The following BMPR1B variants were observed in gnomAD, a reference collection of about 807,000 sequenced individuals.
The protein encoded by BMPR1B is bone morphogenetic protein receptor type 1B.
BMPR1B carries 12 observed loss-of-function variants against 59.1 expected under a neutral mutation model. That is an observed-to-expected ratio of 0.20 (90% confidence interval 0.13 to 0.33). The LOEUF is 0.33. BMPR1B is among the 10% of genes least tolerant of loss of function. BMPR1B has a pLI of 1.00. For missense variants in BMPR1B, 550 were observed against 610.9 expected (o/e 0.90, Z 1.05); for synonymous variants, 237 against 207.3 (o/e 1.14, Z -1.23).
At chr4:95,138,003 G>A (rs969948836) in intron 10 of BMPR1B, among the ~76,000 whole-genome samples, 5 of 152,146 alleles carry the variant, frequency 3.3e-5, no homozygotes, top group African/African-American at 9.7e-5. Context: ...TCCTAGCATC[G>A]ATGGTCTTTA....
chr4:94,948,489 T>G (rs1729801899), intron 2 of BMPR1B, among the ~76,000 whole-genome samples: 1 of 152,046 alleles, frequency 6.6e-6, no homozygotes, highest in Middle Eastern at 3.2e-3. Context: ...AACAAATGAG[T>G]AAGTAATGCT....
At position 95,157,180 on chromosome 4, in the gene BMPR1B, G is replaced by A. The variant is rs1041066684; in HGVS notation, c.*2507G>A. On this transcript the variant is annotated 3_prime_UTR_variant, in exon 13 of 13. Coordinates refer to ENST00000515059, the MANE Select transcript of BMPR1B (RefSeq NM_001203.3). ...TATTTGGTTGCTTTGGAAAAGATTG[G>A]TCCTATCCTCAATCTAATTTATTCA... 2.6e-5 allele frequency: 4 copies of A among 151,982 alleles called. No homozygotes were observed. Among genetic ancestry groups the A allele is most frequent in the African/African-American group, 9.7e-5 (4 of 41,384 alleles). The allele number at this position is 151,982 out of a possible 1,614,324, so 9.4% of individuals were successfully genotyped here.
intron 3 of BMPR1B, among the ~76,000 whole-genome samples, chr4:95,072,789 T>G (rs1282831105): frequency 6.6e-6 from 1 of 152,142 alleles, no homozygotes; most frequent in African/African-American, 2.4e-5. Context: ...ATAAACACAG[T>G]GAAGAAGCAA....
At chr4:94,922,137 T>G (rs1303511990) in intron 2 of BMPR1B, among the ~76,000 whole-genome samples, 1 of 151,862 alleles carries the variant, frequency 6.6e-6, no homozygotes, top group Non-Finnish European at 1.5e-5. Flanking sequence ...CATACCCTCT[T>G]AATTTCTTTT....
chr4:94,913,520 G>A (rs938733905), intron 2 of BMPR1B, among the ~76,000 whole-genome samples: 1 of 152,128 alleles, frequency 6.6e-6, no homozygotes, highest in African/African-American at 2.4e-5. Context: ...TCTAAACTTT[G>A]CTTTGCTTTC....
chr4:94,833,166 G>T (rs1297174747), intron 1 of BMPR1B, among the ~76,000 whole-genome samples: 1 of 145,838 alleles, frequency 6.9e-6, no homozygotes, highest in Admixed American at 6.9e-5. Flanking sequence ...ACTCCATCCT[G>T]GATGAGAGAG....
In BMPR1B at chr4:95,152,642, G is replaced by T; in HGVS notation, c.1253-1G>T. On this transcript the variant is annotated splice_acceptor_variant, in intron 11 of 12. Coordinates refer to ENST00000515059, the MANE Select transcript of BMPR1B (RefSeq NM_001203.3). LOFTEE classifies it high-confidence loss of function. ...TAATAATAGTAACAACATATTTTTA[G>T]GTATAGTGGAAGAATACCAGCTTCC... 2 of 1,538,750 alleles carry T rather than the reference G, an allele frequency of 1.3e-6. No individual in the cohort carries two copies. Among genetic ancestry groups the T allele is most frequent in the East Asian group, 2.4e-5 (1 of 40,852 alleles).
At chr4:94,802,302 G>A (rs1472280309) in intron 1 of BMPR1B, among the ~76,000 whole-genome samples, 2 of 152,170 alleles carry the variant, frequency 1.3e-5, no homozygotes, top group Non-Finnish European at 2.9e-5. Context: ...CAGGGCTTCC[G>A]AGAGGCCTGG....
At chr4:94,944,588 A>G (rs954694902) in intron 2 of BMPR1B, among the ~76,000 whole-genome samples, 2 of 152,170 alleles carry the variant, frequency 1.3e-5, no homozygotes, top group African/African-American at 4.8e-5. Context: ...CAAGGGAATT[A>G]TATGTAATTT....
At chr4:95,096,157 T>G (rs988514167) in intron 3 of BMPR1B, among the ~76,000 whole-genome samples, 3 of 151,364 alleles carry the variant, frequency 2.0e-5, no homozygotes, top group Non-Finnish European at 4.4e-5. Context: ...AAGAAGTTAT[T>G]TTACAGTGTT....
intron 3 of BMPR1B, among the ~76,000 whole-genome samples, chr4:95,039,291 C>G (rs948775661): frequency 3.3e-5 from 5 of 152,048 alleles, no homozygotes; most frequent in African/African-American, 4.8e-5. Flanking sequence ...CTGTAATGCT[C>G]TAGACAAGGC....
intron 2 of BMPR1B, among the ~76,000 whole-genome samples, chr4:94,918,057 C>T (rs562694328): frequency 6.6e-6 from 1 of 152,190 alleles, no homozygotes; most frequent in African/African-American, 2.4e-5. Flanking sequence ...TCCCTGAGGC[C>T]TCCCTAGAAG....
chr4:94,929,616 C>A (rs2149032560), intron 2 of BMPR1B, among the ~76,000 whole-genome samples: 1 of 152,100 alleles, frequency 6.6e-6, no homozygotes, highest in African/African-American at 2.4e-5. Flanking sequence ...CCTCTGTGTC[C>A]CTTCTTGGTG....
At chr4:94,940,188 T>C (rs1434835575) in intron 2 of BMPR1B, among the ~76,000 whole-genome samples, 2 of 152,222 alleles carry the variant, frequency 1.3e-5, no homozygotes, top group African/African-American at 4.8e-5. Context: ...TGAGGCATTT[T>C]CAATATGGCT....
intron 2 of BMPR1B, among the ~76,000 whole-genome samples, chr4:94,905,379 C>T (rs544358448): frequency 3.3e-5 from 5 of 152,038 alleles, no homozygotes; most frequent in Admixed American, 6.6e-5. Flanking sequence ...CTAATGCAAA[C>T]AGTAATGGCT....
At chr4:94,940,964 T>C (rs1003095515) in intron 2 of BMPR1B, among the ~76,000 whole-genome samples, 1 of 152,186 alleles carries the variant, frequency 6.6e-6, no homozygotes, top group African/African-American at 2.4e-5. Flanking sequence ...GACATTCTTC[T>C]TGGTGGGACG....
At chr4:95,036,423 C>T (rs1013893591) in intron 3 of BMPR1B, among the ~76,000 whole-genome samples, 2 of 152,168 alleles carry the variant, frequency 1.3e-5, no homozygotes, top group East Asian at 3.9e-4. Context: ...CGAAGTTCAT[C>T]GTTTTAGTTT....
rs936793430 is a variant in BMPR1B at position 95,104,460 on chromosome 4, C to T, written c.36C>T (p.Gly12=). 3.1e-6 allele frequency: 5 copies of T among 1,613,248 alleles called. No homozygotes were observed. Among genetic ancestry groups the T allele is most frequent in the Non-Finnish European group, 4.2e-6 (5 of 1,179,618 alleles). Residue 12 remains glycine, a synonymous_variant, in exon 4 of 13, where the codon GGC becomes GGT. Coordinates refer to ENST00000515059, the MANE Select transcript of BMPR1B (RefSeq NM_001203.3). ...GAAGTGCAGGAAAATTAAATGTGGG[C>T]ACCAAGAAAGAGGATGGTGAGAGTA... ...LLRSAGKLNV[G]TKKEDGESTA...
chr4:95,142,212 A>T (rs1000781520), intron 10 of BMPR1B, among the ~76,000 whole-genome samples: 1 of 152,212 alleles, frequency 6.6e-6, no homozygotes, highest in Non-Finnish European at 1.5e-5. Flanking sequence ...GCAGAGTTCA[A>T]TTCTGCAAGT....
Sources: allele counts gnomAD v4.1 joint callset (sites outside exome capture counted in the v4.1 genomes callset), GRCh38; gene constraint gnomAD v4.1.1; transcripts MANE v1.5; gene names NCBI Gene and HGNC (gene_info 2026-07-23, HGNC 2026-07-21).